Variants in DNAJC3 observed in about 807,000 individuals in gnomAD.
DNAJC3 encodes the protein dnaJ homolog subfamily C member 3.
In DNAJC3, 38 loss-of-function variants were observed where a neutral mutation model predicts 68.6. The ratio of observed to expected loss-of-function variants is 0.55; its 90% confidence interval spans 0.43 to 0.73. DNAJC3 has a LOEUF of 0.73. Among genes scored for constraint, DNAJC3 ranks in the 30% least tolerant of loss-of-function variants. DNAJC3 has a pLI of 0.00. For synonymous variants in DNAJC3, 203 were observed against 204.0 expected (o/e 1.00, Z 0.04); for missense variants, 526 against 591.9 (o/e 0.89, Z 1.16).
intron 9 of DNAJC3, among the ~76,000 whole-genome samples, chr13:95,782,455 T>C (rs1387633318): frequency 6.6e-6 from 1 of 152,224 alleles, no homozygotes; most frequent in Non-Finnish European, 1.5e-5. Flanking sequence ...CTACATCCTC[T>C]CCAGCATCTG....
intron 1 of DNAJC3, among the ~76,000 whole-genome samples, chr13:95,689,893 T>C (rs1206680836): frequency 1.7e-4 from 26 of 152,206 alleles, no homozygotes; most frequent in Non-Finnish European, 1.5e-5. Flanking sequence ...CATGTACTTG[T>C]GTTGTTTTCA....
chr13:95,759,167 T>TA (rs1460305636), intron 5 of DNAJC3, among the ~76,000 whole-genome samples: 4 of 152,250 alleles, frequency 2.6e-5, no homozygotes, highest in African/African-American at 9.6e-5. Context: ...TTGTGTTTCC[T>TA]AAACCCTTAT....
At position 95,735,407 on chromosome 13, in the gene DNAJC3, CAATGGTTGAACTAG is replaced by C. The variant is rs1453716668; in HGVS notation, c.393+10156_393+10169del. On this transcript the variant is annotated intron_variant, in intron 4 of 11. Coordinates refer to ENST00000602402, the MANE Select transcript of DNAJC3 (RefSeq NM_006260.5). ...TGAGGAATCGCCACACTGACTTCCA[CAATGGTTGAACTAG>C]TTTACAGTCCCACCAACAGTGTAAA... 9.1e-3 allele frequency among the ~76,000 whole-genome samples: 1,079 copies of C among 118,320 alleles called. 9 individuals are homozygous for C. The highest frequency in any genetic ancestry group is 0.036 in the African/African-American group (1,040 of 29,078). The allele number at this position is 118,320 out of a possible 152,430, so 77.6% of individuals were successfully genotyped here. A position where few individuals can be genotyped will look rare whatever the true frequency, so the allele number is the denominator to read the frequency against.
chr13:95,737,675 T>C (rs1881972557), intron 4 of DNAJC3, among the ~76,000 whole-genome samples: 1 of 151,880 alleles, frequency 6.6e-6, no homozygotes, highest in South Asian at 2.1e-4. Context: ...ATATCCCCTT[T>C]ATCATTTTTT....
chr13:95,679,509 C>G (rs1196519929), intron 1 of DNAJC3, among the ~76,000 whole-genome samples: 3 of 152,132 alleles, frequency 2.0e-5, no homozygotes, highest in East Asian at 1.9e-4. Context: ...GGTAAGAACT[C>G]TGACTTGAAT....
At chr13:95,749,106 T>C (rs900719952) in intron 4 of DNAJC3, among the ~76,000 whole-genome samples, 6 of 152,248 alleles carry the variant, frequency 3.9e-5, no homozygotes, top group African/African-American at 1.2e-4. Context: ...AGCCATCTTA[T>C]AACAATATTT....
At chr13:95,776,906 T>C (rs942200548) in intron 9 of DNAJC3, among the ~76,000 whole-genome samples, 1 of 152,206 alleles carries the variant, frequency 6.6e-6, no homozygotes, top group Non-Finnish European at 1.5e-5. Flanking sequence ...TTTCCCATGT[T>C]TCGTCAGCTG....
chr13:95,738,684 T>C (rs1173633870), intron 4 of DNAJC3, among the ~76,000 whole-genome samples: 2 of 152,216 alleles, frequency 1.3e-5, no homozygotes, highest in African/African-American at 4.8e-5. Context: ...TGGTAGATCT[T>C]CCTCCATCCT....
At chr13:95,748,167 G>A (rs1267684563) in intron 4 of DNAJC3, among the ~76,000 whole-genome samples, 1 of 152,122 alleles carries the variant, frequency 6.6e-6, no homozygotes, top group Non-Finnish European at 1.5e-5. Flanking sequence ...TGTTCCATGA[G>A]ATCCAAATAT....
At position 95,712,004 on chromosome 13, in the gene DNAJC3, T is replaced by C. The variant is rs183300212; in HGVS notation, c.193+2667T>C. Among the ~76,000 whole-genome samples the C allele has an allele frequency of 2.2e-4, 33 of 152,304 alleles. No individual in the cohort carries two copies. In the East Asian group the frequency reaches 5.6e-3, roughly 26 times the overall value. Reference sequence around the variant, plus strand: ...AGTTTAAAGAAGTCCACATATTATGTTTGTACACACAAACACATACACACA... The same window carrying C: ...AGTTTAAAGAAGTCCACATATTATGCTTGTACACACAAACACATACACACA... On this transcript the variant is annotated intron_variant, in intron 2 of 11. Coordinates refer to ENST00000602402, the MANE Select transcript of DNAJC3 (RefSeq NM_006260.5).
chr13:95,786,318 A>T (rs1040340598), intron 10 of DNAJC3, among the ~76,000 whole-genome samples: 3 of 151,996 alleles, frequency 2.0e-5, no homozygotes, highest in Non-Finnish European at 4.4e-5. Context: ...TGTAGCATGA[A>T]TGGGTCCTAA....
intron 4 of DNAJC3, among the ~76,000 whole-genome samples, chr13:95,729,257 C>CCTCCCT (rs1305630621): frequency 1.9e-5 from 2 of 105,334 alleles, no homozygotes; most frequent in African/African-American, 3.7e-5. Flanking sequence ...TCCCTCTCCG[C>CCTCCCT]CTCCCTCTCC....
At chr13:95,696,575 A>G (rs1880446377) in intron 1 of DNAJC3, among the ~76,000 whole-genome samples, 1 of 152,228 alleles carries the variant, frequency 6.6e-6, no homozygotes, top group South Asian at 2.1e-4. Context: ...TTTTAAAAAA[A>G]AATTTTAAAT....
Position 95,763,892 on chromosome 13 carries a change from C to G in DNAJC3, c.1014C>G (p.Asp338Glu), listed in dbSNP as rs1172122509. 1 of 1,613,876 alleles carries G rather than the reference C, an allele frequency of 6.2e-7. No individual in the cohort carries two copies. Among genetic ancestry groups the G allele is most frequent in the African/African-American group, 1.3e-5 (1 of 74,904 alleles). Residue 338 changes from aspartate to glutamate, a missense_variant, in exon 9 of 12, where the codon GAC becomes GAG. Asp to Glu is a conservative substitution (Grantham distance 45). Transcript: ENST00000602402. The part of the protein sequence containing the change: ...VCSEVLQMEP[D>E]NVNALKDRAE... ...CTGAAGTTTTACAGATGGAACCTGA[C>G]AATGTGAATGCCCTGAAAGATCGAG...
intron 2 of DNAJC3, among the ~76,000 whole-genome samples, chr13:95,711,959 A>G (rs769415434): frequency 6.6e-6 from 1 of 152,228 alleles, no homozygotes; most frequent in African/African-American, 2.4e-5. Context: ...TCTGAAAAAC[A>G]TAATAGCAAA....
intron 9 of DNAJC3, among the ~76,000 whole-genome samples, chr13:95,767,769 AACCTCC>A (rs1883037643): frequency 6.7e-6 from 1 of 150,290 alleles, no homozygotes; most frequent in East Asian, 2.0e-4. Context: ...GGCTCACTGC[AACCTCC>A]ATCTCCTGGG....
In DNAJC3 at chr13:95,721,987, T is replaced by C. The variant is rs1185756812; in HGVS notation, c.194-1255T>C. ...TTAGGGAGTTTAATTGTATATCTTATGATGATGAACACCTGAGTAGATAAA... is the reference window on the plus strand; with the variant it reads ...TTAGGGAGTTTAATTGTATATCTTACGATGATGAACACCTGAGTAGATAAA... On this transcript the variant is annotated intron_variant, in intron 2 of 11. Coordinates refer to ENST00000602402, the MANE Select transcript of DNAJC3 (RefSeq NM_006260.5). Among the ~76,000 whole-genome samples the C allele has an allele frequency of 3.3e-5, 5 of 152,218 alleles. No individual in the cohort carries two copies. The East Asian group carries it at 7.7e-4, about 23-fold the overall frequency.
At chr13:95,679,199 C>CTT (rs3086610) in intron 1 of DNAJC3, among the ~76,000 whole-genome samples, 14,549 of 108,274 alleles carry the variant, frequency 0.13, 1,224 homozygotes, top group Middle Eastern at 0.16. Flanking sequence ...AAAATCAGCA[C>CTT]TTTTTTTTTT....
chr13:95,710,233 C>CTTTTT (rs66976007), intron 2 of DNAJC3, among the ~76,000 whole-genome samples: 1 of 131,010 alleles, frequency 7.6e-6, no homozygotes. Context: ...CTTTTCTTTT[C>CTTTTT]TTTTTTTTTT....
Sources: gnomAD v4.1 joint callset for allele counts (sites outside exome capture counted in the v4.1 genomes callset) on GRCh38, gnomAD v4.1.1 for gene constraint, MANE v1.5 for transcripts, NCBI Gene and HGNC (gene_info 2026-07-23, HGNC 2026-07-21) for gene names.